Variants in TBXAS1 observed in about 807,000 individuals in gnomAD.
TBXAS1 encodes thromboxane-A synthase.
A neutral mutation model predicts 60.7 loss-of-function variants in TBXAS1; 48 were observed. That is an observed-to-expected ratio of 0.79 (90% confidence interval 0.63 to 1.01). The LOEUF (loss-of-function observed/expected upper bound fraction) is 1.01. TBXAS1 is among the 50% of genes least tolerant of loss of function. TBXAS1 has a pLI of 0.00. For missense variants in TBXAS1, 685 were observed against 686.3 expected (o/e 1.00, Z 0.02); for synonymous variants, 287 against 269.7 (o/e 1.06, Z -0.63).
chr7:139,885,999 T>C (rs1394999488), intron 3 of TBXAS1, among the ~76,000 whole-genome samples: 1 of 152,228 alleles, frequency 6.6e-6, no homozygotes, highest in Non-Finnish European at 1.5e-5. Context: ...TTAGGATCTT[T>C]AAATCTTTTA....
chr7:139,800,749 T>G (rs1797700652), intron 4 of TBXAS1, among the ~76,000 whole-genome samples: 1 of 152,230 alleles, frequency 6.6e-6, no homozygotes, highest in African/African-American at 2.4e-5. Context: ...GGATAGAATA[T>G]TCTCCCTTCT....
chr7:140,014,269 G>A (rs1221740206), intron 10 of TBXAS1, among the ~76,000 whole-genome samples: 1 of 152,174 alleles, frequency 6.6e-6, no homozygotes, highest in Non-Finnish European at 1.5e-5. Context: ...TCTGGTTTCC[G>A]GCTTTCTCAA....
At chr7:139,810,746 A>G (rs1361876259) in intron 4 of TBXAS1, among the ~76,000 whole-genome samples, 1 of 152,264 alleles carries the variant, frequency 6.6e-6, no homozygotes, top group African/African-American at 2.4e-5. Context: ...ACTTATTTAT[A>G]GAACAGAATC....
At chr7:140,006,063 G>T (rs561883507) in intron 9 of TBXAS1, among the ~76,000 whole-genome samples, 3 of 152,356 alleles carry the variant, frequency 2.0e-5, no homozygotes, top group African/African-American at 4.8e-5. Flanking sequence ...TGGAACGTTG[G>T]CGGCTTGAGA....
intron 4 of TBXAS1, 36 bp downstream of exon 4, chr7:139,911,357 G>T (rs1426482200): frequency 6.4e-7 from 1 of 1,563,704 alleles, no homozygotes; most frequent in East Asian, 2.2e-5. Flanking sequence ...GATGGATGGG[G>T]AATTGTTCTC....
At chr7:139,913,803 C>T (rs1805734490) in intron 4 of TBXAS1, 2 of 152,318 alleles carry the variant, frequency 1.3e-5, no homozygotes, top group Admixed American at 1.3e-4. Flanking sequence ...AGTTCAAGTT[C>T]CCTAGACGAT....
intron 4 of TBXAS1, among the ~76,000 whole-genome samples, chr7:139,813,853 C>T (rs1798084337): frequency 6.6e-6 from 1 of 152,170 alleles, no homozygotes; most frequent in Non-Finnish European, 1.5e-5. Context: ...CCAAAACAGC[C>T]AGGATGAATG....
intron 4 of TBXAS1, among the ~76,000 whole-genome samples, chr7:139,921,836 AACAC>A (rs1254940977): frequency 6.6e-6 from 1 of 152,196 alleles, no homozygotes; most frequent in Non-Finnish European, 1.5e-5. Context: ...GGCATTTATG[AACAC>A]CTAGGAGCAG....
intron 4 of TBXAS1, among the ~76,000 whole-genome samples, chr7:139,819,720 C>T (rs1798246022): frequency 6.6e-6 from 1 of 152,058 alleles, no homozygotes; most frequent in African/African-American, 2.4e-5. Context: ...CCAGGCTGGT[C>T]TGAAACTCCT....
chr7:139,812,752 G>A (rs758950386), intron 4 of TBXAS1, among the ~76,000 whole-genome samples: 9 of 152,120 alleles, frequency 5.9e-5, no homozygotes, highest in African/African-American at 1.2e-4. Context: ...AGCAGTCACT[G>A]TACCTCATCT....
intron 9 of TBXAS1, among the ~76,000 whole-genome samples, chr7:139,998,378 T>G (rs560469240): frequency 4.1e-4 from 62 of 151,932 alleles, no homozygotes; most frequent in African/African-American, 1.4e-3. Context: ...TTCCATAAAA[T>G]GTACAAGAGG....
At chr7:139,871,091 T>C (rs1801790582) in intron 1 of TBXAS1, among the ~76,000 whole-genome samples, 1 of 152,044 alleles carries the variant, frequency 6.6e-6, no homozygotes, top group Admixed American at 6.6e-5. Context: ...AAATAGCACA[T>C]TGCTCAGAAT....
chr7:139,814,512 G>T (rs1051255786), intron 4 of TBXAS1, among the ~76,000 whole-genome samples: 1 of 152,298 alleles, frequency 6.6e-6, no homozygotes, highest in Non-Finnish European at 1.5e-5. Flanking sequence ...CAAGGTGGTT[G>T]TTGCCATTGG....
chr7:139,851,095 C>A (rs1378863292), intron 1 of TBXAS1, among the ~76,000 whole-genome samples: 2 of 152,252 alleles, frequency 1.3e-5, no homozygotes, highest in African/African-American at 4.8e-5. Flanking sequence ...GCCAAAGCAT[C>A]CCATTGCATC....
chr7:139,858,545 T>C (rs1800740349), intron 1 of TBXAS1, among the ~76,000 whole-genome samples: 1 of 149,982 alleles, frequency 6.7e-6, no homozygotes. Context: ...AGCCATTGAA[T>C]GTCTGTCTGG....
intron 8 of TBXAS1, among the ~76,000 whole-genome samples, chr7:139,958,675 G>A (rs1377157583): frequency 1.3e-5 from 2 of 152,212 alleles, no homozygotes; most frequent in Non-Finnish European, 2.9e-5. Flanking sequence ...TACACCGAGC[G>A]GCCTTGGGCA....
chr7:139,819,490 C>T (rs975654101), intron 4 of TBXAS1, among the ~76,000 whole-genome samples: 7 of 152,108 alleles, frequency 4.6e-5, no homozygotes, highest in African/African-American at 1.7e-4. Flanking sequence ...TTTCCCCCAA[C>T]TCTCTTCTTT....
rs1813540171 is a variant in TBXAS1, at chr7:139,999,817, T to G, written c.1135-7274T>G. The stretch of plus-strand genomic sequence containing the variant: ...GCTGGGTAGGCATAACTACTACAGA[T>G]GCTGCTGTTCCTACTGCTCTGAAGA... On this transcript the variant is annotated intron_variant, in intron 9 of 12. Coordinates refer to ENST00000448866, the MANE Select transcript of TBXAS1 (RefSeq NM_001061.7). This position sits in a 1 kb window ranked among gnomAD's most constrained non-coding sequence, Gnocchi z 4.3. Among the ~76,000 whole-genome samples the G allele has an allele frequency of 6.6e-6, 1 of 152,224 alleles. No homozygotes were observed. The highest frequency in any genetic ancestry group is 6.5e-5 in the Admixed American group (1 of 15,290).
intron 4 of TBXAS1, among the ~76,000 whole-genome samples, chr7:139,817,046 T>C (rs183991563): frequency 2.9e-3 from 444 of 152,284 alleles, no homozygotes; most frequent in Non-Finnish European, 4.5e-3. Context: ...CCTCTCCTTG[T>C]CCTTCCCAAT....
Sources: gnomAD v4.1 joint callset for allele counts (sites outside exome capture counted in the v4.1 genomes callset) on GRCh38, gnomAD v4.1.1 for gene constraint, Gnocchi (gnomAD v3.1) non-coding constraint, MANE v1.5 for transcripts, NCBI Gene and HGNC (gene_info 2026-07-23, HGNC 2026-07-21) for gene names.